Variants in MYO3A observed in about 807,000 individuals in gnomAD.
MYO3A encodes the protein myosin-IIIa.
Under a neutral mutation model 192.7 loss-of-function variants are expected in MYO3A, and 180 were observed. The ratio of observed to expected loss-of-function variants is 0.93; its 90% CI spans 0.83 to 1.06. The LOEUF (loss-of-function observed/expected upper bound fraction) is 1.06, where lower values mean the gene tolerates loss of function less well. Among genes scored for constraint, MYO3A ranks in the 50% least tolerant of loss-of-function variants. MYO3A has a pLI of 0.00. For synonymous variants in MYO3A, 628 were observed against 645.3 expected (o/e 0.97, Z 0.41); for missense variants, 1,896 against 1,905.0 (o/e 1.00, Z 0.09).
chr10:26,197,974 A>C (rs1365204002), intron 32 of MYO3A, among the ~76,000 whole-genome samples: 2 of 152,250 alleles, frequency 1.3e-5, no homozygotes, highest in Admixed American at 6.5e-5. Context: ...TGTTACAGCC[A>C]TACTCCTCAG....
chr10:26,031,932 A>T (rs1237234089), intron 10 of MYO3A, among the ~76,000 whole-genome samples: 1 of 152,262 alleles, frequency 6.6e-6, no homozygotes, highest in Non-Finnish European at 1.5e-5. Context: ...CTACTTAAAT[A>T]ACAAATTCCA....
At chr10:26,211,752 G>A (rs1844225752) in intron 34 of MYO3A, 91 bp from the exon 35 acceptor site, 10 of 1,580,720 alleles carry the variant, frequency 6.3e-6, no homozygotes, top group Non-Finnish European at 8.6e-6. Flanking sequence ...GCAGAACGTG[G>A]GAGGAAGAGG....
intron 14 of MYO3A, among the ~76,000 whole-genome samples, chr10:26,078,097 T>G (rs1193538660): frequency 1.3e-5 from 2 of 151,598 alleles, no homozygotes; most frequent in African/African-American, 2.4e-5. Flanking sequence ...TAATGTCTGG[T>G]AGAATTCTGC....
At chr10:25,991,340 G>A (rs529404565) in intron 4 of MYO3A, among the ~76,000 whole-genome samples, 2,554 of 152,188 alleles carry the variant, frequency 0.017, 75 homozygotes, top group African/African-American at 0.057. Flanking sequence ...CATATCCTTC[G>A]CCCACTTGTT....
At chr10:25,969,846 TAA>T (rs753209012) in intron 4 of MYO3A, among the ~76,000 whole-genome samples, 1 of 152,030 alleles carries the variant, frequency 6.6e-6, no homozygotes, top group Non-Finnish European at 1.5e-5. Context: ...AGATTGAAAG[TAA>T]AGAGATGGAG....
chr10:26,009,564 T>C (rs1429529730), intron 6 of MYO3A, among the ~76,000 whole-genome samples: 13 of 152,052 alleles, frequency 8.5e-5, no homozygotes, highest in Admixed American at 8.5e-4. Flanking sequence ...CAGGTGCGGG[T>C]GTGCAGAGCA....
chr10:25,943,484 C>T (rs899740152), intron 2 of MYO3A, among the ~76,000 whole-genome samples: 4 of 152,036 alleles, frequency 2.6e-5, no homozygotes, highest in Non-Finnish European at 5.9e-5. Flanking sequence ...GACATTTAAC[C>T]AATATTAAAT....
intron 17 of MYO3A, among the ~76,000 whole-genome samples, chr10:26,108,936 T>A (rs1032036667): frequency 1.3e-5 from 2 of 152,178 alleles, no homozygotes; most frequent in African/African-American, 2.4e-5. Context: ...TTTAGGTAAA[T>A]CCAGTGCCAT....
intron 31 of MYO3A, among the ~76,000 whole-genome samples, chr10:26,189,325 T>A (rs1843013960): frequency 1.3e-5 from 2 of 152,172 alleles, no homozygotes; most frequent in African/African-American, 4.8e-5. Context: ...TCTGAGCTAC[T>A]GGAGGTTAAG....
chr10:25,986,875 T>C (rs1839685701), intron 4 of MYO3A, among the ~76,000 whole-genome samples: 2 of 152,116 alleles, frequency 1.3e-5, no homozygotes, highest in Non-Finnish European at 2.9e-5. Flanking sequence ...GAAATTCATA[T>C]GGAACCAAAA....
At chr10:26,144,013 C>T (rs1365479297) in intron 21 of MYO3A, among the ~76,000 whole-genome samples, 1 of 152,008 alleles carries the variant, frequency 6.6e-6, no homozygotes, top group East Asian at 1.9e-4. Context: ...TTAATATAGG[C>T]AAATCACTTC....
chr10:26,184,216 G>T (rs911986011), intron 31 of MYO3A, among the ~76,000 whole-genome samples: 5 of 152,262 alleles, frequency 3.3e-5, no homozygotes, highest in Non-Finnish European at 7.4e-5. Flanking sequence ...CCTGGCCAAG[G>T]GCAGATGAGG....
In MYO3A at chr10:26,143,618, G is replaced by A. The variant is rs1317190502; in HGVS notation, c.2416+17G>A. On this transcript the variant is annotated intron_variant, in intron 21 of 34. Transcript: ENST00000642920. ...CTCTTGTAGGTGAGTTTTCAGTCCA[G>A]TGTGTCTGCATGGTTTTATGAATAG... is the stretch of plus-strand genomic sequence containing the variant. 6.2e-7 allele frequency: 1 copy of A among 1,613,290 alleles called. No individual in the cohort carries two copies.
chr10:25,955,159 C>A, intron 4 of MYO3A, 151 bp downstream of exon 4: 1 of 1,108,708 alleles, frequency 9.0e-7, no homozygotes, highest in Non-Finnish European at 1.3e-6. Context: ...TTGGCCTTGC[C>A]TTCTTAAGAA....
chr10:26,030,809 C>G (rs1429850286), intron 10 of MYO3A, among the ~76,000 whole-genome samples: 1 of 152,136 alleles, frequency 6.6e-6, no homozygotes, highest in African/African-American at 2.4e-5. Flanking sequence ...TGAATATAAA[C>G]TTCCTTGTTG....
At chr10:26,187,306 TC>T (rs1201633850) in intron 31 of MYO3A, among the ~76,000 whole-genome samples, 1 of 152,178 alleles carries the variant, frequency 6.6e-6, no homozygotes, top group Middle Eastern at 3.2e-3. Flanking sequence ...ATGTTAGTTT[TC>T]CAGGGCTGCC....
chr10:25,941,966 A>G (rs1836522406), intron 2 of MYO3A, among the ~76,000 whole-genome samples: 1 of 149,942 alleles, frequency 6.7e-6, no homozygotes, highest in South Asian at 2.1e-4. Context: ...AGGCTGAATA[A>G]TATTTCTTTT....
rs778109012 is a variant in MYO3A, at chr10:26,173,739, G to A, written c.3475G>A (p.Gly1159Arg). The A allele has an allele frequency of 1.2e-6, 2 of 1,613,932 alleles. No individual in the cohort carries two copies. Among genetic ancestry groups the A allele is most frequent in the Non-Finnish European group, 1.7e-6 (2 of 1,179,892 alleles). ...ERFISAPNNKGSVSVVKTSTF... is the reference protein window; with the variant it reads ...ERFISAPNNKRSVSVVKTSTF... ...ATTCATTTCAGCTCCAAATAATAAA[G>A]GAAGTGTATCTGTAGTGAAGACTTC... Residue 1159 changes from glycine (G) to arginine (R), a missense_variant, in exon 30 of 35, where the codon GGA becomes AGA. Coordinates refer to ENST00000642920, the MANE Select transcript of MYO3A (RefSeq NM_017433.5).
intron 14 of MYO3A, among the ~76,000 whole-genome samples, chr10:26,078,165 T>G (rs1354466803): frequency 6.6e-6 from 1 of 151,058 alleles, no homozygotes; most frequent in African/African-American, 2.4e-5. Flanking sequence ...AAAATTACAA[T>G]TTCAATCTTG....
Sources: allele counts gnomAD v4.1 joint callset (sites outside exome capture counted in the v4.1 genomes callset), GRCh38; gene constraint gnomAD v4.1.1; transcripts MANE v1.5; gene names NCBI Gene and HGNC (gene_info 2026-07-23, HGNC 2026-07-21).